Variants in ATXN1 observed in about 807,000 individuals in gnomAD.
ATXN1 encodes ataxin-1.
A neutral mutation model predicts 56.4 loss-of-function variants in ATXN1; 8 were observed. The ratio of observed to expected loss-of-function variants is 0.14; its 90% CI spans 0.08 to 0.26. The LOEUF (loss-of-function observed/expected upper bound fraction) is 0.26, where lower values mean the gene tolerates loss of function less well. Ranked by LOEUF, ATXN1 falls within the 10% of genes least tolerant of loss-of-function variation. The pLI is 1.00. For missense variants in ATXN1, 987 were observed against 1,106.5 expected (o/e 0.89, Z 1.53); for synonymous variants, 514 against 494.6 (o/e 1.04, Z -0.52).
intron 6 of ATXN1, among the ~76,000 whole-genome samples, chr6:16,370,875 G>T (rs1233786265): frequency 6.6e-6 from 1 of 152,118 alleles, no homozygotes. Context: ...AAAGCACTTG[G>T]CAAATGGTAA....
chr6:16,519,067 A>T (rs1761238666), intron 5 of ATXN1, among the ~76,000 whole-genome samples: 1 of 152,202 alleles, frequency 6.6e-6, no homozygotes, highest in Admixed American at 6.5e-5. Flanking sequence ...TGGGAGATGG[A>T]GTGAGAATAT....
Position 16,561,037 on chromosome 6 carries a change from A to G in ATXN1, c.-361+24743T>C, listed in dbSNP as rs80228032. Among the ~76,000 whole-genome samples the G allele has an allele frequency of 8.3e-3, 1,267 of 152,340 alleles. 17 individuals are homozygous for G. Among genetic ancestry groups the G allele is most frequent in the African/African-American group, 0.029 (1,200 of 41,564 alleles). ...TGAGTAATTAGTGTGCTTTGTATAC[A>G]ATGTAGAGAAACTATTGAAAAATAA... On this transcript the variant is annotated intron_variant, in intron 4 of 7. Coordinates refer to ENST00000436367, the MANE Select transcript of ATXN1 (RefSeq NM_001128164.2).
intron 1 of ATXN1, among the ~76,000 whole-genome samples, chr6:16,753,564 C>CA (rs1760791593): frequency 6.6e-6 from 1 of 152,174 alleles, no homozygotes; most frequent in Non-Finnish European, 1.5e-5. Context: ...GGCCAACATA[C>CA]AAAAAGGTCA....
intron 6 of ATXN1, among the ~76,000 whole-genome samples, chr6:16,435,534 C>T (rs984495285): frequency 2.0e-5 from 3 of 151,956 alleles, no homozygotes; most frequent in African/African-American, 7.3e-5. Context: ...GGTATTTAGA[C>T]AGGAGGGGGA....
At chr6:16,610,508 C>T (rs1231256498) in intron 3 of ATXN1, among the ~76,000 whole-genome samples, 7 of 151,976 alleles carry the variant, frequency 4.6e-5, no homozygotes, top group East Asian at 3.9e-4. Context: ...AAAACAACTA[C>T]ACAGCTCTAA....
Position 16,328,613 on chromosome 6 carries a change from C to T in ATXN1, c.-160-143G>A, listed in dbSNP as rs1047801239. Reference sequence around the variant, plus strand: ...TAGGCCCTGGACTCGGTGTGAACTCCCATAACCCAATCATACCCCAAGCAC... The same window carrying T: ...TAGGCCCTGGACTCGGTGTGAACTCTCATAACCCAATCATACCCCAAGCAC... On this transcript the variant is annotated intron_variant, in intron 6 of 7. Transcript: ENST00000436367. This position sits in a 1 kb window ranked among gnomAD's most constrained non-coding sequence, Gnocchi z 6.2. 1 of 289,540 alleles carries T rather than the reference C, an allele frequency of 3.5e-6. No individual in the cohort carries two copies. The highest frequency in any genetic ancestry group is 6.2e-6 in the Non-Finnish European group (1 of 161,732). The allele number at this position is 289,540 out of a possible 1,614,324, so 17.9% of individuals were successfully genotyped here.
intron 2 of ATXN1, among the ~76,000 whole-genome samples, chr6:16,670,183 T>A (rs561715264): frequency 1.7e-4 from 26 of 152,256 alleles, no homozygotes; most frequent in African/African-American, 5.3e-4. Flanking sequence ...ATCCTATCAA[T>A]TCTATTTCCT....
At chr6:16,419,739 G>T (rs1362113235) in intron 6 of ATXN1, among the ~76,000 whole-genome samples, 5 of 152,134 alleles carry the variant, frequency 3.3e-5, no homozygotes, top group African/African-American at 7.2e-5. Context: ...TGGCTGCCCG[G>T]GTCTGCCTTT....
At chr6:16,596,474 A>G (rs942900106) in intron 3 of ATXN1, among the ~76,000 whole-genome samples, 1 of 152,200 alleles carries the variant, frequency 6.6e-6, no homozygotes, top group African/African-American at 2.4e-5. Context: ...TGTAATGCTG[A>G]TATGTAAAGA....
At chr6:16,555,304 G>A (rs564150096) in intron 4 of ATXN1, among the ~76,000 whole-genome samples, 6 of 152,072 alleles carry the variant, frequency 3.9e-5, no homozygotes, top group African/African-American at 1.4e-4. Flanking sequence ...GGTGCTAGAT[G>A]TACAACATCT....
intron 2 of ATXN1, among the ~76,000 whole-genome samples, chr6:16,676,359 G>A (rs1003895972): frequency 2.6e-5 from 4 of 152,098 alleles, no homozygotes; most frequent in Non-Finnish European, 4.4e-5. Context: ...TAACACAGTT[G>A]TATAAAATCA....
At chr6:16,372,462 T>C (rs1762060156) in intron 6 of ATXN1, among the ~76,000 whole-genome samples, 1 of 152,188 alleles carries the variant, frequency 6.6e-6, no homozygotes, top group South Asian at 2.1e-4. Flanking sequence ...TAAGACTGCA[T>C]TACTCCATCC....
intron 2 of ATXN1, among the ~76,000 whole-genome samples, chr6:16,696,854 A>G (rs1759175491): frequency 1.3e-5 from 2 of 152,374 alleles, no homozygotes; most frequent in Non-Finnish European, 2.9e-5. Context: ...CTCATTTCCA[A>G]GAGAAAGGTA....
At chr6:16,731,793 C>T (rs957090834) in intron 2 of ATXN1, among the ~76,000 whole-genome samples, 3 of 151,974 alleles carry the variant, frequency 2.0e-5, no homozygotes, top group Non-Finnish European at 4.4e-5. Flanking sequence ...CCTACACTGG[C>T]ATTCTCTGTG....
chr6:16,690,524 G>T (rs914896661), intron 2 of ATXN1, among the ~76,000 whole-genome samples: 4 of 152,144 alleles, frequency 2.6e-5, no homozygotes, highest in African/African-American at 9.7e-5. Context: ...AGCAGTGTTA[G>T]AAGTCCCAAC....
At chr6:16,560,702 G>C (rs1208135864) in intron 4 of ATXN1, among the ~76,000 whole-genome samples, 1 of 152,100 alleles carries the variant, frequency 6.6e-6, no homozygotes, top group Non-Finnish European at 1.5e-5. Context: ...GCAAATCCCT[G>C]GGTTTTTCAC....
intron 6 of ATXN1, among the ~76,000 whole-genome samples, chr6:16,329,094 T>C (rs973447960): frequency 6.6e-6 from 1 of 152,062 alleles, no homozygotes; most frequent in African/African-American, 2.4e-5. Flanking sequence ...TCTCTCCTGT[T>C]TTTTTTTCTC....
intron 5 of ATXN1, among the ~76,000 whole-genome samples, chr6:16,502,449 T>C (rs984780908): frequency 4.6e-5 from 7 of 152,340 alleles, no homozygotes; most frequent in African/African-American, 1.4e-4. Context: ...AGGCTAAAAA[T>C]AATGATATCC....
At chr6:16,647,465 A>G (rs1004317606) in intron 3 of ATXN1, among the ~76,000 whole-genome samples, 2 of 152,218 alleles carry the variant, frequency 1.3e-5, no homozygotes, top group African/African-American at 4.8e-5. Flanking sequence ...TCTCAGCAGC[A>G]TTATAACTAT....
Sources: allele counts gnomAD v4.1 joint callset (sites outside exome capture counted in the v4.1 genomes callset), GRCh38; gene constraint gnomAD v4.1.1; non-coding constraint Gnocchi (gnomAD v3.1); transcripts MANE v1.5; gene names NCBI Gene and HGNC (gene_info 2026-07-23, HGNC 2026-07-21).